The following LRRC4C variants were observed in gnomAD, a reference collection of about 807,000 sequenced individuals.
LRRC4C encodes leucine rich repeat containing 4C, also known as leucine-rich repeat-containing protein 4C.
LRRC4C carries 5 observed loss-of-function variants against 33.6 expected under a neutral mutation model. The observed-to-expected ratio is 0.15, with a 90% CI of 0.08 to 0.31. LRRC4C has a LOEUF of 0.31. Ranked by LOEUF, LRRC4C falls within the 10% of genes least tolerant of loss-of-function variation. The pLI is 1.00. For missense variants in LRRC4C, 560 were observed against 796.7 expected (o/e 0.70, Z 3.58); for synonymous variants, 329 against 302.0 (o/e 1.09, Z -0.93).
chr11:41,364,853 C>T lies in LRRC4C; in HGVS notation c.-496+94578G>A, dbSNP rs1591359055. 2.6e-5 allele frequency among the ~76,000 whole-genome samples: 4 copies of T among 152,056 alleles called. No individual in the cohort carries two copies. The South Asian group carries it at 8.3e-4, about 32-fold the overall frequency. ...GGTGAAATAAAATCCCCAAATGAAA[C>T]AAATTCACTGAGTTTCAACCCTTTA... On this transcript the variant is annotated intron_variant, in intron 1 of 6. Transcript: ENST00000528697.
intron 6 of LRRC4C, among the ~76,000 whole-genome samples, chr11:40,127,570 G>T (rs1856346406): frequency 6.6e-6 from 1 of 152,160 alleles, no homozygotes; most frequent in African/African-American, 2.4e-5. Context: ...GAGAGGGAAT[G>T]ATGAGAATAT....
intron 3 of LRRC4C, among the ~76,000 whole-genome samples, chr11:40,477,576 T>C (rs576555152): frequency 1.1e-4 from 17 of 152,314 alleles, no homozygotes; most frequent in African/African-American, 3.8e-4. Flanking sequence ...TGCTTACTCA[T>C]TTGCTTATGT....
intron 5 of LRRC4C, among the ~76,000 whole-genome samples, chr11:40,208,728 G>T (rs2135798134): frequency 6.6e-6 from 1 of 152,238 alleles, no homozygotes; most frequent in East Asian, 1.9e-4. Flanking sequence ...ACATATGCAT[G>T]TATTAGCCTC....
At position 40,972,911 on chromosome 11, in the gene LRRC4C, G is replaced by A. The variant is rs565406012; in HGVS notation, c.-495-39188C>T. Among the ~76,000 whole-genome samples, 39 of 152,286 alleles carry A rather than the reference G, an allele frequency of 2.6e-4. 1 individual carries two copies. Among genetic ancestry groups the A allele is most frequent in the African/African-American group, 8.9e-4 (37 of 41,570 alleles). ...AAATTGTAATCTTTCAGTGTTGGAG[G>A]AGGTGCCTGGTGGGAGGTAATTGAA... On this transcript the variant is annotated intron_variant, in intron 1 of 6. Transcript: ENST00000528697.
chr11:41,285,430 G>A (rs1000233229), intron 1 of LRRC4C, among the ~76,000 whole-genome samples: 1 of 152,138 alleles, frequency 6.6e-6, no homozygotes, highest in African/African-American at 2.4e-5. Flanking sequence ...GCAAGATATT[G>A]ATTATTAAAA....
intron 1 of LRRC4C, among the ~76,000 whole-genome samples, chr11:41,338,012 G>A (rs575846138): frequency 1.6e-4 from 24 of 152,264 alleles, no homozygotes; most frequent in Middle Eastern, 3.4e-3. Flanking sequence ...TCACAATGGC[G>A]ATTATTAAAA....
At chr11:40,799,762 T>G (rs1591754514) in intron 2 of LRRC4C, among the ~76,000 whole-genome samples, 1 of 152,162 alleles carries the variant, frequency 6.6e-6, no homozygotes, top group Non-Finnish European at 1.5e-5. Context: ...AGCCACTACA[T>G]CTGGTCGTAG....
chr11:40,807,877 GCTCTT>G (rs1230162174), intron 2 of LRRC4C, among the ~76,000 whole-genome samples: 3 of 152,110 alleles, frequency 2.0e-5, no homozygotes, highest in Non-Finnish European at 4.4e-5. Flanking sequence ...AAGCACCTTT[GCTCTT>G]AACTCTGCCA....
intron 3 of LRRC4C, among the ~76,000 whole-genome samples, chr11:40,439,431 T>C (rs2137943401): frequency 6.6e-6 from 1 of 151,900 alleles, no homozygotes; most frequent in Non-Finnish European, 1.5e-5. Flanking sequence ...TAATAGGTCC[T>C]CTTGAATAAA....
chr11:40,783,314 G>A (rs1217225370), intron 2 of LRRC4C, among the ~76,000 whole-genome samples: 1 of 150,532 alleles, frequency 6.6e-6, no homozygotes, highest in Non-Finnish European at 1.5e-5. Context: ...TTTATTTTTT[G>A]AGACAGAGTC....
chr11:40,814,258 C>T lies in LRRC4C; in HGVS notation c.-407+119377G>A, dbSNP rs1318061081. On this transcript the variant is annotated intron_variant, in intron 2 of 6. Coordinates refer to ENST00000528697, the MANE Select transcript of LRRC4C (RefSeq NM_001258419.2). ...GAGGTTCCCAAACCTCAATTCTTGACTTCTGTGTAGCAGCAATATGGTCAA... is the reference window on the plus strand; with the variant it reads ...GAGGTTCCCAAACCTCAATTCTTGATTTCTGTGTAGCAGCAATATGGTCAA... Among the ~76,000 whole-genome samples the T allele has an allele frequency of 3.3e-5, 5 of 152,202 alleles. No homozygotes were observed. The East Asian group carries it at 9.7e-4, about 29-fold the overall frequency.
chr11:40,422,953 A>C (rs559010187), intron 3 of LRRC4C, among the ~76,000 whole-genome samples: 19 of 151,798 alleles, frequency 1.3e-4, no homozygotes, highest in African/African-American at 4.4e-4. Flanking sequence ...AAATTAAATA[A>C]ATAGTGTTAA....
At chr11:40,924,137 TG>T (rs1038145182) in intron 2 of LRRC4C, among the ~76,000 whole-genome samples, 2 of 150,940 alleles carry the variant, frequency 1.3e-5, no homozygotes, top group African/African-American at 4.9e-5. Context: ...TATATATATA[TG>T]TATATATATG....
At chr11:41,324,434 A>T (rs1462190581) in intron 1 of LRRC4C, among the ~76,000 whole-genome samples, 1 of 152,214 alleles carries the variant, frequency 6.6e-6, no homozygotes, top group Admixed American at 6.5e-5. Flanking sequence ...CCCTCTCAAA[A>T]AAATAAATAA....
chr11:41,001,038 T>C (rs941273178), intron 1 of LRRC4C, among the ~76,000 whole-genome samples: 2 of 152,104 alleles, frequency 1.3e-5, no homozygotes, highest in African/African-American at 4.8e-5. Flanking sequence ...AAATAAATTA[T>C]ATGAAAGACA....
At chr11:40,599,324 A>G (rs1282566929) in intron 3 of LRRC4C, among the ~76,000 whole-genome samples, 6 of 151,862 alleles carry the variant, frequency 4.0e-5, no homozygotes, top group Non-Finnish European at 7.4e-5. Flanking sequence ...CGTGGCATGC[A>G]TCTGTAGTCC....
chr11:41,215,436 T>G (rs1443332981), intron 1 of LRRC4C, among the ~76,000 whole-genome samples: 1 of 140,842 alleles, frequency 7.1e-6, no homozygotes, highest in African/African-American at 2.7e-5. Context: ...TGCAGTGAGC[T>G]GAGATCATAC....
intron 1 of LRRC4C, among the ~76,000 whole-genome samples, chr11:41,408,858 G>A (rs1321687950): frequency 6.6e-6 from 1 of 151,956 alleles, no homozygotes; most frequent in African/African-American, 2.4e-5. Context: ...CTGTCTGCCA[G>A]CAGAGACCTT....
At chr11:40,655,043 T>G (rs1179917931) in intron 2 of LRRC4C, among the ~76,000 whole-genome samples, 1 of 152,198 alleles carries the variant, frequency 6.6e-6, no homozygotes, top group Non-Finnish European at 1.5e-5. Flanking sequence ...CATGCAGAAA[T>G]GTGAGTCAAT....
Sources: gnomAD v4.1 joint callset for allele counts (sites outside exome capture counted in the v4.1 genomes callset) on GRCh38, gnomAD v4.1.1 for gene constraint, MANE v1.5 for transcripts, NCBI Gene and HGNC (gene_info 2026-07-23, HGNC 2026-07-21) for gene names.